Variants in DAB2IP observed in about 807,000 individuals in gnomAD.
DAB2IP encodes the protein disabled homolog 2-interacting protein.
In DAB2IP, 28 loss-of-function variants were observed where a neutral mutation model predicts 107.2. That is an observed-to-expected ratio of 0.26 (90% CI 0.19 to 0.36). The LOEUF (loss-of-function observed/expected upper bound fraction) is 0.36. DAB2IP is among the 10% of genes least tolerant of loss of function. DAB2IP has a pLI of 1.00. For synonymous variants in DAB2IP, 755 were observed against 706.4 expected (o/e 1.07, Z -1.09); for missense variants, 1,400 against 1,644.7 (o/e 0.85, Z 2.57).
Position 121,668,279 on chromosome 9 carries a change from G to A in DAB2IP, c.125-10399G>A, listed in dbSNP as rs896380515. Among the ~76,000 whole-genome samples the A allele has an allele frequency of 2.7e-5, 4 of 148,930 alleles. No homozygotes were observed. In the South Asian group the frequency reaches 6.5e-4, roughly 24 times the overall value. Reference sequence around the variant, plus strand: ...ACGATCTCCACTCACTGCAACCTCTGCCTCCCGGGTTCAAGTGGCACGATC... The same window carrying A: ...ACGATCTCCACTCACTGCAACCTCTACCTCCCGGGTTCAAGTGGCACGATC... On this transcript the variant is annotated intron_variant, in intron 1 of 15. Coordinates refer to ENST00000408936, the Ensembl canonical transcript of DAB2IP.
intron 2 of DAB2IP, among the ~76,000 whole-genome samples, chr9:121,687,465 C>T (rs1276611411): frequency 1.3e-5 from 2 of 152,178 alleles, no homozygotes; most frequent in Non-Finnish European, 2.9e-5. Flanking sequence ...CACTGCCACC[C>T]TTTGATGGGT....
rs545196411 is a variant in DAB2IP at position 121,772,032 on chromosome 9, G to C, written c.2079-575G>C. The stretch of plus-strand genomic sequence containing the variant: ...AAGTGCAGCCCTCCCACCAAGTCAT[G>C]CTCTCCACAGAGCCTGCTCTCATTC... On this transcript the variant is annotated intron_variant, in intron 11 of 15. Transcript: ENST00000408936. The surrounding 1 kb of genome is among the most constrained non-coding windows in gnomAD (Gnocchi z 4.7). Among the ~76,000 whole-genome samples the C allele has an allele frequency of 1.3e-5, 2 of 152,214 alleles. No individual in the cohort carries two copies. The highest frequency in any genetic ancestry group is 2.4e-5 in the African/African-American group (1 of 41,448).
At chr9:121,700,433 A>C (rs375513467) in intron 3 of DAB2IP, among the ~76,000 whole-genome samples, 20 of 152,126 alleles carry the variant, frequency 1.3e-4, no homozygotes, top group African/African-American at 4.6e-4. Flanking sequence ...GCCAGTTAGA[A>C]CATGTCCCTG....
In DAB2IP at chr9:121,776,915, G is replaced by A. The variant is rs192461303; in HGVS notation, c.3314+524G>A. Among the ~76,000 whole-genome samples the A allele has an allele frequency of 2.6e-5, 4 of 152,220 alleles. No individual in the cohort carries two copies. Among genetic ancestry groups the A allele is most frequent in the Non-Finnish European group, 5.9e-5 (4 of 67,992 alleles). ...GAGTGGTTTGAGTGGGGAGGGAGAG[G>A]GGGATGGTGCCAGTCTGATATCCTG... On this transcript the variant is annotated intron_variant, in intron 14 of 15. Transcript: ENST00000408936. This position sits in a 1 kb window ranked among gnomAD's most constrained non-coding sequence, Gnocchi z 5.4.
At chr9:121,781,401 T>G (rs1835631922) in intron 14 of DAB2IP, 63 bp from the exon 15 acceptor site, 1 of 1,543,916 alleles carries the variant, frequency 6.5e-7, no homozygotes, top group African/African-American at 1.4e-5. Flanking sequence ...GGGCTTGTTC[T>G]CACACCCTCC....
intron 11 of DAB2IP, among the ~76,000 whole-genome samples, chr9:121,771,311 A>G (rs1044331421): frequency 1.3e-5 from 2 of 152,200 alleles, no homozygotes; most frequent in East Asian, 1.9e-4. Flanking sequence ...AGACATTTCT[A>G]TCAGTTCATG....
intron 3 of DAB2IP, among the ~76,000 whole-genome samples, chr9:121,724,974 T>A (rs1262022011): frequency 1.3e-5 from 2 of 151,718 alleles, no homozygotes; most frequent in Non-Finnish European, 2.9e-5. Context: ...TCAGTGAGGG[T>A]CAGGACAGGG....
chr9:121,578,441 C>T (rs1219375011), intron 1 of DAB2IP, among the ~76,000 whole-genome samples: 4 of 151,994 alleles, frequency 2.6e-5, no homozygotes, highest in African/African-American at 9.7e-5. Context: ...GGCTGAGGGC[C>T]TACCGTGCCC....
In DAB2IP at chr9:121,707,510, C is replaced by T. The variant is rs145474684; in HGVS notation, c.362+8052C>T. ...CCCTACTGTCCCAGTTAACCATCAC[C>T]TCCTGCCTGTCGCCCTAACTTTTCT... is the stretch of plus-strand genomic sequence containing the variant. On this transcript the variant is annotated intron_variant, in intron 3 of 15. Transcript: ENST00000408936. Among the ~76,000 whole-genome samples, 206 of 152,344 alleles carry T rather than the reference C, an allele frequency of 1.4e-3. 2 individuals are homozygous for T. The highest frequency in any genetic ancestry group is 4.8e-3 in the African/African-American group (201 of 41,584).
intron 1 of DAB2IP, among the ~76,000 whole-genome samples, chr9:121,585,932 C>T (rs1830302397): frequency 6.6e-6 from 1 of 152,144 alleles, no homozygotes; most frequent in South Asian, 2.1e-4. Context: ...TCTAACTTGA[C>T]CCGATCCTAA....
rs369700364 is a variant in DAB2IP, at chr9:121,622,019, C to T, written c.40+54791C>T. Among the ~76,000 whole-genome samples, 223 of 125,946 alleles carry T rather than the reference C, an allele frequency of 1.8e-3. 1 individual carries two copies. Among genetic ancestry groups the T allele is most frequent in the African/African-American group, 6.4e-3 (207 of 32,196 alleles). 82.6% of individuals were successfully genotyped at this position (125,946 alleles called of 152,430 possible). On this transcript the variant is annotated intron_variant, in intron 1 of 16. Coordinates refer to the DAB2IP transcript ENST00000259371. The stretch of plus-strand genomic sequence containing the variant: ...TTTTTTTTTTTTTGAGATGGAGTCT[C>T]GCTCTGTCGCCCAGGCTGGAGTGCA...
intron 1 of DAB2IP, among the ~76,000 whole-genome samples, chr9:121,617,256 G>A (rs547786799): frequency 1.1e-4 from 16 of 152,268 alleles, no homozygotes; most frequent in African/African-American, 3.6e-4. Context: ...CCCAGGAGGT[G>A]GAGGTTGCAG....
chr9:121,773,297 AC>A lies in DAB2IP; in HGVS notation c.2774del (p.Pro925ArgfsTer16). 1.5e-6 allele frequency: 1 copy of A among 681,500 alleles called. No homozygotes were observed. The highest frequency in any genetic ancestry group is 2.1e-6 in the Non-Finnish European group (1 of 468,648). 42.2% of individuals were successfully genotyped at this position (681,500 alleles called of 1,614,324 possible). A position where few individuals can be genotyped will look rare whatever the true frequency, so the allele number is the denominator to read the frequency against. ...GGAGGATCGACCAGCCTCCGCCCCCACCCCCGCCGCCACCTCCTGCCCCCCG... is the reference window on the plus strand; with the variant it reads ...GGAGGATCGACCAGCCTCCGCCCCCACCCCGCCGCCACCTCCTGCCCCCCG... On this transcript the variant is annotated frameshift_variant, in exon 12 of 16. Coordinates refer to ENST00000408936, the Ensembl canonical transcript of DAB2IP. LOFTEE classifies it high-confidence loss of function.
chr9:121,632,732 AGT>A (rs1468342281), intron 1 of DAB2IP, among the ~76,000 whole-genome samples: 1 of 152,186 alleles, frequency 6.6e-6, no homozygotes, highest in African/African-American at 2.4e-5. Context: ...GGCCTCAGAG[AGT>A]GACACTGGGA....
At chr9:121,781,944 C>A (rs904088548) in intron 15 of DAB2IP, among the ~76,000 whole-genome samples, 1 of 152,156 alleles carries the variant, frequency 6.6e-6, no homozygotes, top group Non-Finnish European at 1.5e-5. Context: ...GTGGCCCCAG[C>A]CTCCTTTACT....
Position 121,651,707 on chromosome 9 carries a change from T to C in DAB2IP, c.-69T>C, listed in dbSNP as rs1832746819. The C allele has an allele frequency of 8.7e-7, 1 of 1,155,228 alleles. No individual in the cohort carries two copies. The highest frequency in any genetic ancestry group is 1.1e-6 in the Non-Finnish European group (1 of 939,966). 71.6% of individuals were successfully genotyped at this position (1,155,228 alleles called of 1,614,324 possible). On this transcript the variant is annotated 5_prime_UTR_variant, in exon 1 of 16. Transcript: ENST00000408936. The surrounding 1 kb of genome is among the most constrained non-coding windows in gnomAD (Gnocchi z 5.1). Reference sequence around the variant, plus strand: ...GAGAACGCGTGGGCGCCCGCCGGGCTGTCCGGAGCGGCCGATGGGGCCCGT... The same window carrying C: ...GAGAACGCGTGGGCGCCCGCCGGGCCGTCCGGAGCGGCCGATGGGGCCCGT...
intron 1 of DAB2IP, among the ~76,000 whole-genome samples, chr9:121,665,264 A>T (rs866301698): frequency 6.6e-6 from 1 of 152,186 alleles, no homozygotes; most frequent in Non-Finnish European, 1.5e-5. Flanking sequence ...AGCACTTTGG[A>T]AGGCCAAGGC....
intron 3 of DAB2IP, among the ~76,000 whole-genome samples, chr9:121,724,859 G>A (rs974994881): frequency 1.1e-4 from 16 of 152,118 alleles, no homozygotes; most frequent in Admixed American, 2.0e-4. Context: ...GGAATGGGAG[G>A]GGGCCCAAAA....
intron 3 of DAB2IP, chr9:121,737,835 G>A: frequency 8.3e-6 from 8 of 964,748 alleles, no homozygotes; most frequent in African/African-American, 1.8e-5. Flanking sequence ...AGGGTGAGGA[G>A]CTGTTTCTCC....
Sources: gnomAD v4.1 joint callset for allele counts (sites outside exome capture counted in the v4.1 genomes callset) on GRCh38, gnomAD v4.1.1 for gene constraint, Gnocchi (gnomAD v3.1) non-coding constraint, MANE v1.5 for transcripts, NCBI Gene and HGNC (gene_info 2026-07-23, HGNC 2026-07-21) for gene names.